HNRNPA3: variants seen among roughly 807,000 people sequenced by gnomAD.
HNRNPA3 encodes epididymis secretory sperm binding protein.
In HNRNPA3, 3 loss-of-function variants were observed where a neutral mutation model predicts 45.8. The observed-to-expected ratio is 0.07, with a 90% CI of 0.03 to 0.17. The LOEUF (loss-of-function observed/expected upper bound fraction) is 0.17. Among genes scored for constraint, HNRNPA3 ranks in the 10% least tolerant of loss-of-function variants. The probability of loss-of-function intolerance (pLI) is 1.00; values close to 1 mark genes in which losing one functional copy is unlikely to be tolerated. For missense variants in HNRNPA3, 183 were observed against 480.3 expected (o/e 0.38, Z 5.79); for synonymous variants, 170 against 155.6 (o/e 1.09, Z -0.69).
chr2:177,223,231 C>T (rs1689263606), downstream of HNRNPA3: 1 of 152,056 alleles, frequency 6.6e-6, no homozygotes, highest in African/African-American at 2.4e-5. Context: ...AGGTAACAGC[C>T]TTTGATGAAT....
intron 7 of HNRNPA3, among the ~76,000 whole-genome samples, chr2:177,217,148 G>A (rs1056228244): frequency 1.3e-5 from 2 of 152,180 alleles, no homozygotes; most frequent in Non-Finnish European, 2.9e-5. Context: ...GGTTGAGCTA[G>A]AATTGTTCTA....
chr2:177,213,098 C>T (rs1039752841), intron 1 of HNRNPA3, among the ~76,000 whole-genome samples: 1 of 151,444 alleles, frequency 6.6e-6, no homozygotes, highest in Admixed American at 6.6e-5. Flanking sequence ...GCGGCTTGGT[C>T]GGGGAGGCCT....
exon 4 of HNRNPA3, chr2:177,216,070 C>T (rs777845234): frequency 1.9e-6 from 3 of 1,560,550 alleles, no homozygotes; most frequent in Admixed American, 1.7e-5. Context: ...TGAGAGACTA[C>T]TTTGAAAAGT....
At chr2:177,216,692 T>A in exon 6 of HNRNPA3, 1 of 1,614,228 alleles carries the variant, frequency 6.2e-7, no homozygotes, top group Non-Finnish European at 8.5e-7. Context: ...GAGGTGGATC[T>A]GGCAATTTTA....
exon 2 of HNRNPA3, chr2:177,215,599 G>C: frequency 6.2e-7 from 1 of 1,613,468 alleles, no homozygotes; most frequent in Middle Eastern, 1.7e-4. Context: ...TCTGAGCTTT[G>C]AAACTACAGA....
chr2:177,223,923 T>C (rs1253350029), downstream of HNRNPA3: 1 of 152,224 alleles, frequency 6.6e-6, no homozygotes, highest in Non-Finnish European at 1.5e-5. Flanking sequence ...TTTTGACTTA[T>C]TTTACCAGTA....
At chr2:177,217,937 A>T (rs2105433554) in intron 8 of HNRNPA3, 92 bp downstream of exon 8, 1 of 1,237,764 alleles carries the variant, frequency 8.1e-7, no homozygotes, top group East Asian at 2.6e-5. Context: ...AAAGCGTTTG[A>T]TCAAATTTTA....
chr2:177,220,376 G>C (rs934509986), downstream of HNRNPA3: 1 of 154,104 alleles, frequency 6.5e-6, no homozygotes, highest in African/African-American at 2.4e-5. Flanking sequence ...TGAAAATATA[G>C]AACCATTAAG....
chr2:177,213,364 G>C (rs1688772620), intron 1 of HNRNPA3, among the ~76,000 whole-genome samples: 1 of 152,278 alleles, frequency 6.6e-6, no homozygotes, highest in Non-Finnish European at 1.5e-5. Flanking sequence ...TTGGAGGGAA[G>C]AGGGCGGAGG....
chr2:177,216,431 A>G, intron 4 of HNRNPA3, 72 bp from the exon 5 acceptor site: 1 of 1,057,334 alleles, frequency 9.5e-7, no homozygotes, highest in East Asian at 2.4e-5. Context: ...ATAATGACAG[A>G]GGGTATCTCA....
At chr2:177,220,842 A>G (rs1689160718), downstream of HNRNPA3, 1 of 152,160 alleles carries the variant, frequency 6.6e-6, no homozygotes, top group Non-Finnish European at 1.5e-5. Context: ...ATTAATATAA[A>G]CCAATGTCTA....
chr2:177,216,340 C>A, intron 4 of HNRNPA3, 152 bp downstream of exon 4: 1 of 729,288 alleles, frequency 1.4e-6, no homozygotes, highest in Non-Finnish European at 2.2e-6. Context: ...AATCAGTATC[C>A]AGATCAAGAA....
At chr2:177,217,588 C>G in intron 7 of HNRNPA3, 117 bp from the exon 8 acceptor site, 3 of 1,255,688 alleles carry the variant, frequency 2.4e-6, no homozygotes, top group Non-Finnish European at 3.5e-6. Flanking sequence ...GGTTGCACCA[C>G]TGTACTTGAG....
chr2:177,215,692 A>AGGGGT lies in HNRNPA3; in HGVS notation c.195+33_195+37dup. 1.2e-6 allele frequency: 2 copies of AGGGGT among 1,613,222 alleles called. 1 individual carries two copies. The highest frequency in any genetic ancestry group is 2.2e-5 in the South Asian group (2 of 91,002). The stretch of plus-strand genomic sequence containing the variant: ...TTACTAAGAGAACAGAAGGGTTCTA[A>AGGGGT]GGGGTGTAGAGAACCGGTGGAGGTG... On this transcript the variant is annotated intron_variant, in intron 2 of 10. Transcript: ENST00000392524.
At chr2:177,213,357 G>C (rs914817944) in intron 1 of HNRNPA3, among the ~76,000 whole-genome samples, 1 of 152,276 alleles carries the variant, frequency 6.6e-6, no homozygotes, top group African/African-American at 2.4e-5. Context: ...CCTGGGATTG[G>C]AGGGAAGAGG....
chr2:177,219,347 AAAG>A, intron 10 of HNRNPA3, 33 bp downstream of exon 10: 2 of 1,477,778 alleles, frequency 1.4e-6, no homozygotes, highest in Non-Finnish European at 1.9e-6. Flanking sequence ...TATGATGATA[AAAG>A]AATATGTGGA....
chr2:177,217,084 G>A (rs1048010450), intron 7 of HNRNPA3, 144 bp downstream of exon 7: 2 of 885,338 alleles, frequency 2.3e-6, no homozygotes, highest in African/African-American at 3.5e-5. Flanking sequence ...GGAAGAACAG[G>A]AACCCTTTTT....
At chr2:177,217,057 A>G (rs1248417192) in intron 7 of HNRNPA3, 117 bp downstream of exon 7, 4 of 1,112,840 alleles carry the variant, frequency 3.6e-6, no homozygotes, top group Non-Finnish European at 5.0e-6. Flanking sequence ...GTTAAGGTGT[A>G]TTTCCAAACT....
chr2:177,222,365 A>G (rs780115700), downstream of HNRNPA3: 3 of 152,216 alleles, frequency 2.0e-5, no homozygotes, highest in Non-Finnish European at 2.9e-5. Context: ...TGTGTATACA[A>G]TTCATTTTTT....
Sources: allele counts gnomAD v4.1 joint callset (sites outside exome capture counted in the v4.1 genomes callset), GRCh38; gene constraint gnomAD v4.1.1; transcripts MANE v1.5; gene names NCBI Gene and HGNC (gene_info 2026-07-23, HGNC 2026-07-21).